The following SLC25A45 variants were observed in gnomAD, a reference collection of about 807,000 sequenced individuals.
SLC25A45 encodes the protein solute carrier family 25 member 45.
SLC25A45 carries 22 observed loss-of-function variants against 23.0 expected under a neutral mutation model. That is an observed-to-expected ratio of 0.95 (90% confidence interval 0.68 to 1.36). SLC25A45 has a LOEUF of 1.36. Among genes scored for constraint, SLC25A45 ranks in the 40% most tolerant of loss-of-function variants. The pLI, the probability that SLC25A45 is intolerant of heterozygous loss-of-function variation, is 0.00. For synonymous variants in SLC25A45, 136 were observed against 155.0 expected, an observed-to-expected ratio of 0.88 and a Z score of 0.91; for missense variants, 355 against 383.5, an observed-to-expected ratio of 0.93 and a Z score of 0.62.
intron 5 of SLC25A45, chr11:65,377,516 G>A (rs770995262): frequency 2.8e-5 from 19 of 667,994 alleles, no homozygotes; most frequent in African/African-American, 1.6e-4. Context: ...AGGTCCCCTC[G>A]TGAGTGCTGT....
At chr11:65,378,898 G>A (rs969797303) in intron 5 of SLC25A45, 5 of 164,002 alleles carry the variant, frequency 3.0e-5, no homozygotes, top group African/African-American at 1.2e-4. Context: ...GGCCTCAGGT[G>A]AGGCTCCCAG....
In SLC25A45 at chr11:65,379,414, G is replaced by A; in HGVS notation, c.301C>T (p.His101Tyr). ...CCGGTGCAGCCCGCTAGGAAGATGT[G>A]CATGTAGCTGGGCGGCTGGGCCCGC... ...ERRAQPPSYM[H>Y]IFLAGCTGGF... Residue 101 changes from histidine (H) to tyrosine (Y), a missense_variant, in exon 5 of 7, where the codon CAC becomes TAC. Coordinates refer to ENST00000398802, the MANE Select transcript of SLC25A45 (RefSeq NM_182556.4). 2 of 1,612,712 alleles carry A rather than the reference G, an allele frequency of 1.2e-6. No homozygotes were observed. The highest frequency in any genetic ancestry group is 1.7e-6 in the Non-Finnish European group (2 of 1,179,978).
Position 65,382,481 on chromosome 11 carries a change from C to G in SLC25A45, c.-19+5G>C, listed in dbSNP as rs1199982891. The G allele has an allele frequency of 2.9e-5, 5 of 169,876 alleles. No individual in the cohort carries two copies. The highest frequency in any genetic ancestry group is 3.1e-4 in the East Asian group (2 of 6,352). The allele number at this position is 169,876 out of a possible 1,614,324, so 10.5% of individuals were successfully genotyped here. ...GGGGAGGAGCCACTCCCAGGAGTGA[C>G]TCACCAGGCCTGGCTGTTCTCTTCA... On this transcript the variant is annotated splice_donor_5th_base_variant and intron_variant, in intron 1 of 6. Coordinates refer to ENST00000398802, the MANE Select transcript of SLC25A45 (RefSeq NM_182556.4). This position sits in a 1 kb window ranked among gnomAD's most constrained non-coding sequence, Gnocchi z 4.4.
intron 3 of SLC25A45, 67 bp downstream of exon 3, chr11:65,380,065 C>A: frequency 6.3e-7 from 1 of 1,584,404 alleles, no homozygotes; most frequent in South Asian, 1.1e-5. Context: ...CAGGCCTGAT[C>A]TCAGGGCACC....
At position 65,376,994 on chromosome 11, in the gene SLC25A45, G is replaced by T. The variant is rs200825852; in HGVS notation, c.422C>A (p.Pro141Gln). 363 of 1,613,498 alleles carry T rather than the reference G, an allele frequency of 2.2e-4. No homozygotes were observed. The highest frequency in any genetic ancestry group is 2.9e-4 in the Non-Finnish European group (337 of 1,179,714). The change falls in exon 6 of 7, where the codon CCA becomes CAA. Residue 141 changes from proline (P) to glutamine (Q), a missense_variant. By Grantham distance (76) the Pro-to-Gln change is moderately conservative. Coordinates refer to ENST00000398802, the MANE Select transcript of SLC25A45 (RefSeq NM_182556.4). ...TEPRAQPGSP[P>Q]PRYQGPVHCA... Reference sequence around the variant, plus strand: ...GTGCACGGGCCCCTGGTACCGGGGTGGGGGGCTCCCTGGCTGGGCCCTTGG... The same window carrying T: ...GTGCACGGGCCCCTGGTACCGGGGTTGGGGGCTCCCTGGCTGGGCCCTTGG...
rs774661615 is a variant in SLC25A45 at position 65,379,866 on chromosome 11, C to T, written c.153+1G>A. 5.6e-6 allele frequency: 9 copies of T among 1,614,174 alleles called. No homozygotes were observed. Among genetic ancestry groups the T allele is most frequent in the East Asian group, 2.2e-5 (1 of 44,884 alleles). ...GGACCCCAAAGGAGTGGGCCACTCA[C>T]GGACTCATGGCGGTAAATCTTGACC... On this transcript the variant is annotated splice_donor_variant, in intron 4 of 6. Transcript: ENST00000398802. LOFTEE classifies it high-confidence loss of function.
At chr11:65,377,211 C>G (rs1416200232) in intron 5 of SLC25A45, 135 bp from the exon 6 acceptor site, 2 of 1,444,790 alleles carry the variant, frequency 1.4e-6, no homozygotes, top group Admixed American at 5.6e-5. Context: ...CACCCAGCCT[C>G]TCACGTGCAT....
rs764384983 is a variant in SLC25A45, at chr11:65,376,832, T to C, written c.584A>G (p.Glu195Gly). The stretch of plus-strand genomic sequence containing the variant: ...ACTTTACTTACTGGGATTCTGGCCT[T>C]CTGGTGTGTACTGGCGACAGAGCCC... ...YEGLCRQYTPEGQNPSSATVL... is the reference protein window; with the variant it reads ...YEGLCRQYTPGGQNPSSATVL... The change falls in exon 6 of 7, where the codon GAA (glutamate) becomes GGA (glycine). Residue 195 changes from glutamate (E) to glycine (G), a missense_variant. Coordinates refer to ENST00000398802, the MANE Select transcript of SLC25A45 (RefSeq NM_182556.4). The C allele has an allele frequency of 1.2e-5, 19 of 1,614,066 alleles. No homozygotes were observed. Among genetic ancestry groups the C allele is most frequent in the Non-Finnish European group, 1.5e-5 (18 of 1,180,032 alleles).
In SLC25A45 at chr11:65,382,013, C is replaced by G; in HGVS notation, c.-18-44G>C. 2.1e-6 allele frequency: 3 copies of G among 1,408,802 alleles called. No homozygotes were observed. The highest frequency in any genetic ancestry group is 3.0e-6 in the Non-Finnish European group (3 of 992,856). 87.3% of individuals were successfully genotyped at this position (1,408,802 alleles called of 1,614,324 possible). ...GAGACAGAGTTGAATTCCCCCCTCT[C>G]CCTCCCCTGGCCCACGCTGATAACC... On this transcript the variant is annotated intron_variant, in intron 1 of 6. Transcript: ENST00000398802. This position sits in a 1 kb window ranked among gnomAD's most constrained non-coding sequence, Gnocchi z 4.4.
intron 2 of SLC25A45, chr11:65,381,504 C>A: frequency 5.1e-6 from 1 of 196,400 alleles, no homozygotes. Flanking sequence ...AGTGATCCTC[C>A]TACCTCAGCC....
chr11:65,379,790 T>G lies in SLC25A45; in HGVS notation c.153+77A>C, dbSNP rs1260362665. On this transcript the variant is annotated intron_variant, in intron 4 of 6. Coordinates refer to ENST00000398802, the MANE Select transcript of SLC25A45 (RefSeq NM_182556.4). ...CTCTCCTCCAGGAGCAGAACCCTGC[T>G]GGAGAGGGAAGCTGGTACCAACAGC... The G allele has an allele frequency of 2.6e-6, 4 of 1,564,162 alleles. No homozygotes were observed. In the Admixed American group the frequency reaches 6.8e-5, roughly 26 times the overall value.
intron 5 of SLC25A45, 182 bp downstream of exon 5, chr11:65,379,194 C>A: frequency 1.5e-6 from 1 of 674,700 alleles, no homozygotes; most frequent in East Asian, 2.9e-5. Context: ...CTTTTGCCCC[C>A]TCTGTTCCCC....
At chr11:65,380,479 G>T in intron 2 of SLC25A45, 1 of 1,327,158 alleles carries the variant, frequency 7.5e-7, no homozygotes, top group East Asian at 3.0e-5. Flanking sequence ...CCCATACCCG[G>T]GTATCCCACC....
chr11:65,376,405 G>T lies in SLC25A45; in HGVS notation c.*2C>A. On this transcript the variant is annotated 3_prime_UTR_variant, in exon 7 of 7. Transcript: ENST00000398802. ...GGGGAGCTGCTGGCATTGCCGCAGG[G>T]CTCATCCCCACCAGCGGAGGAGATA... 1.2e-6 allele frequency: 2 copies of T among 1,612,518 alleles called. No homozygotes were observed. The highest frequency in any genetic ancestry group is 1.7e-5 in the Admixed American group (1 of 59,998).
chr11:65,381,761 T>A (rs1370460900), intron 2 of SLC25A45, 154 bp downstream of exon 2: 2 of 876,574 alleles, frequency 2.3e-6, no homozygotes, highest in Non-Finnish European at 3.8e-6. Flanking sequence ...CCTCCCTATG[T>A]TGCCCAGACT....
chr11:65,381,698 G>T, intron 2 of SLC25A45: 1 of 563,894 alleles, frequency 1.8e-6, no homozygotes, highest in South Asian at 1.8e-5. Flanking sequence ...GGGACTACAG[G>T]TGTGAGCCAC....
In SLC25A45 at chr11:65,376,220, C is replaced by T; in HGVS notation, c.*187G>A. ...CAAGGCCAGCTACACAGGGAGGCTG[C>T]ACAGGCCCCCTGGCTTCCGGCTCCC... On this transcript the variant is annotated 3_prime_UTR_variant, in exon 7 of 7. Coordinates refer to ENST00000398802, the MANE Select transcript of SLC25A45 (RefSeq NM_182556.4). 1.5e-6 allele frequency: 1 copy of T among 656,996 alleles called. No individual in the cohort carries two copies. Among genetic ancestry groups the T allele is most frequent in the Non-Finnish European group, 2.5e-6 (1 of 392,862 alleles). 40.7% of individuals were successfully genotyped at this position (656,996 alleles called of 1,614,324 possible). A position where few individuals can be genotyped will look rare whatever the true frequency, so the allele number is the denominator to read the frequency against.
chr11:65,380,717 C>T (rs1453885561), intron 2 of SLC25A45: 1 of 724,778 alleles, frequency 1.4e-6, no homozygotes, highest in Non-Finnish European at 2.0e-6. Context: ...CCCTCCACAG[C>T]AGAGGCTGGT....
At chr11:65,381,560 C>CTTT (rs34891223) in intron 2 of SLC25A45, 3,819 of 84,208 alleles carry the variant, frequency 0.045, 34 homozygotes, top group Non-Finnish European at 0.055. Context: ...TGCCCTGATT[C>CTTT]TTTTTTTTTT....
Sources: gnomAD v4.1 joint callset for allele counts on GRCh38, gnomAD v4.1.1 for gene constraint, Gnocchi (gnomAD v3.1) non-coding constraint, MANE v1.5 for transcripts, NCBI Gene and HGNC (gene_info 2026-07-23, HGNC 2026-07-21) for gene names.